DIAPH3: variants seen among roughly 807,000 people sequenced by gnomAD.
The protein encoded by DIAPH3 is diaphanous related formin 3, also known as protein diaphanous homolog 3.
Under a neutral mutation model 144.3 loss-of-function variants are expected in DIAPH3, and 117 were observed. That is an observed-to-expected ratio of 0.81 (90% confidence interval 0.70 to 0.95). The LOEUF (loss-of-function observed/expected upper bound fraction) is 0.95. Ranked by LOEUF, DIAPH3 falls within the 40% of genes least tolerant of loss-of-function variation. The probability of loss-of-function intolerance (pLI) is 0.00; values close to 1 mark genes in which losing one functional copy is unlikely to be tolerated. For synonymous variants in DIAPH3, 519 were observed against 488.9 expected (o/e 1.06, Z -0.81); for missense variants, 1,421 against 1,412.7 (o/e 1.01, Z -0.09).
At chr13:60,064,283 T>C (rs967169819) in intron 4 of DIAPH3, among the ~76,000 whole-genome samples, 1 of 152,228 alleles carries the variant, frequency 6.6e-6, no homozygotes, top group Non-Finnish European at 1.5e-5. Context: ...CATTGACTTA[T>C]CTGTAGCTGT....
chr13:59,859,500 A>C (rs1385790721), intron 22 of DIAPH3, among the ~76,000 whole-genome samples: 2 of 152,220 alleles, frequency 1.3e-5, no homozygotes, highest in Non-Finnish European at 2.9e-5. Flanking sequence ...CATTTACAGC[A>C]AAACCTGCTA....
chr13:60,059,814 T>C (rs909678264), intron 4 of DIAPH3, among the ~76,000 whole-genome samples: 4 of 151,984 alleles, frequency 2.6e-5, no homozygotes, highest in African/African-American at 7.2e-5. Context: ...TCCACTGATA[T>C]TCTTAGTCAT....
intron 9 of DIAPH3, among the ~76,000 whole-genome samples, chr13:59,997,161 C>G (rs144036469): frequency 6.6e-6 from 1 of 152,054 alleles, no homozygotes; most frequent in African/African-American, 2.4e-5. Flanking sequence ...TCCCTTCTAC[C>G]ATATGTTTGC....
chr13:60,089,908 A>T (rs1291993332), intron 4 of DIAPH3, among the ~76,000 whole-genome samples: 1 of 152,206 alleles, frequency 6.6e-6, no homozygotes, highest in East Asian at 1.9e-4. Context: ...GCAAAAATGC[A>T]TGTGGATGGT....
At chr13:59,934,771 C>T (rs1201753951) in intron 17 of DIAPH3, among the ~76,000 whole-genome samples, 1 of 152,148 alleles carries the variant, frequency 6.6e-6, no homozygotes, top group Admixed American at 6.5e-5. Context: ...AGACCAGGAA[C>T]TGACCACCAC....
intron 4 of DIAPH3, among the ~76,000 whole-genome samples, chr13:60,051,783 G>T (rs867798095): frequency 1.3e-5 from 2 of 152,162 alleles, no homozygotes; most frequent in Admixed American, 6.5e-5. Context: ...CAGATCTGAT[G>T]ATTAGAAAGT....
intron 24 of DIAPH3, among the ~76,000 whole-genome samples, chr13:59,817,749 A>T (rs1194632371): frequency 6.6e-6 from 1 of 151,768 alleles, no homozygotes; most frequent in Non-Finnish European, 1.5e-5. Context: ...ACTACAGTTT[A>T]GAATTTATAC....
In DIAPH3 at chr13:59,666,436, A is replaced by C; in HGVS notation, c.*148T>G. The C allele has an allele frequency of 1.1e-6, 1 of 924,204 alleles. No homozygotes were observed. The highest frequency in any genetic ancestry group is 1.6e-6 in the Non-Finnish European group (1 of 636,144). 57.3% of individuals were successfully genotyped at this position (924,204 alleles called of 1,614,324 possible). A position where few individuals can be genotyped will look rare whatever the true frequency, so the allele number is the denominator to read the frequency against. Reference sequence around the variant, plus strand: ...CTCCAGTACATAGAAAAAGCATTGCAATCATATATTTAGCTTTATTTTTCT... The same window carrying C: ...CTCCAGTACATAGAAAAAGCATTGCCATCATATATTTAGCTTTATTTTTCT... On this transcript the variant is annotated 3_prime_UTR_variant, in exon 28 of 28. Transcript: ENST00000400324.
chr13:59,735,529 G>A (rs1289074369), intron 27 of DIAPH3, among the ~76,000 whole-genome samples: 1 of 152,124 alleles, frequency 6.6e-6, no homozygotes, highest in Non-Finnish European at 1.5e-5. Context: ...CAAAACAAAG[G>A]CAATTCAAAA....
intron 4 of DIAPH3, among the ~76,000 whole-genome samples, chr13:60,082,089 GA>G (rs1044607916): frequency 6.6e-6 from 1 of 150,978 alleles, no homozygotes; most frequent in Non-Finnish European, 1.5e-5. Context: ...TATAAGACAT[GA>G]AAAAAATATT....
At chr13:59,749,235 G>C (rs1406869063) in intron 27 of DIAPH3, among the ~76,000 whole-genome samples, 6 of 78,472 alleles carry the variant, frequency 7.6e-5, no homozygotes, top group Non-Finnish European at 1.1e-4. Context: ...AAAAAAAAAA[G>C]TACGGCCGGG....
At chr13:59,697,367 A>G (rs1409522039) in intron 27 of DIAPH3, among the ~76,000 whole-genome samples, 1 of 146,542 alleles carries the variant, frequency 6.8e-6, no homozygotes, top group Non-Finnish European at 1.5e-5. Flanking sequence ...GGCTGAGGCA[A>G]GGGAATGGCG....
intron 1 of DIAPH3, among the ~76,000 whole-genome samples, chr13:60,159,617 T>G (rs1220145962): frequency 1.3e-5 from 2 of 150,052 alleles, no homozygotes; most frequent in African/African-American, 4.9e-5. Context: ...GAATGAGACT[T>G]TGTCTCACAA....
intron 20 of DIAPH3, among the ~76,000 whole-genome samples, chr13:59,896,660 A>G (rs2140151148): frequency 6.6e-6 from 1 of 152,222 alleles, no homozygotes; most frequent in East Asian, 1.9e-4. Context: ...TATTATACAC[A>G]ACTCGTTGAT....
intron 27 of DIAPH3, among the ~76,000 whole-genome samples, chr13:59,744,478 C>T (rs2036611214): frequency 6.6e-6 from 1 of 151,908 alleles, no homozygotes; most frequent in Non-Finnish European, 1.5e-5. Flanking sequence ...TGGCCCAACA[C>T]AAATTTGTAA....
At chr13:60,119,265 G>A (rs553780583) in intron 2 of DIAPH3, among the ~76,000 whole-genome samples, 10 of 152,166 alleles carry the variant, frequency 6.6e-5, no homozygotes, top group Non-Finnish European at 1.5e-4. Flanking sequence ...AGAATTGAGG[G>A]CTTCCACTAA....
At chr13:60,073,127 G>A (rs1185693677) in intron 4 of DIAPH3, among the ~76,000 whole-genome samples, 1 of 152,052 alleles carries the variant, frequency 6.6e-6, no homozygotes, top group Admixed American at 6.6e-5. Context: ...TGGTAGACAT[G>A]GCAAAACCCC....
intron 24 of DIAPH3, among the ~76,000 whole-genome samples, chr13:59,824,283 T>C (rs1019774211): frequency 6.6e-6 from 1 of 152,158 alleles, no homozygotes; most frequent in Non-Finnish European, 1.5e-5. Flanking sequence ...TGTTATGTAA[T>C]TTGATTTTCA....
At chr13:59,995,192 A>T (rs891183551) in intron 9 of DIAPH3, among the ~76,000 whole-genome samples, 1 of 151,874 alleles carries the variant, frequency 6.6e-6, no homozygotes, top group Non-Finnish European at 1.5e-5. Flanking sequence ...TCATTCATTC[A>T]TTAAAAAAAC....
Sources: allele counts gnomAD v4.1 joint callset (sites outside exome capture counted in the v4.1 genomes callset), GRCh38; gene constraint gnomAD v4.1.1; transcripts MANE v1.5; gene names NCBI Gene and HGNC (gene_info 2026-07-23, HGNC 2026-07-21).